The following ACSL1 variants were observed in gnomAD, a reference collection of about 807,000 sequenced individuals.
The protein encoded by ACSL1 is acyl-CoA synthetase long chain family member 1, also known as long-chain-fatty-acid--CoA ligase 1.
Under a neutral mutation model 98.4 loss-of-function variants are expected in ACSL1, and 41 were observed. The observed-to-expected ratio is 0.42, with a 90% confidence interval of 0.32 to 0.54. ACSL1 has a LOEUF of 0.54. Ranked by LOEUF, ACSL1 falls within the 20% of genes least tolerant of loss-of-function variation. The pLI is 0.13. For synonymous variants in ACSL1, 316 were observed against 322.7 expected (o/e 0.98, Z 0.22); for missense variants, 734 against 883.1 (o/e 0.83, Z 2.14).
At chr4:184,794,917 C>T (rs1178958602) in intron 2 of ACSL1, among the ~76,000 whole-genome samples, 1 of 134,298 alleles carries the variant, frequency 7.4e-6, no homozygotes, top group Non-Finnish European at 1.5e-5. Flanking sequence ...CGGCTCCCCA[C>T]TATCCCAGAG....
chr4:184,801,513 GT>G lies in ACSL1; in HGVS notation c.195+1806del, dbSNP rs557514683. Among the ~76,000 whole-genome samples the G allele has an allele frequency of 2.6e-5, 4 of 152,302 alleles. No individual in the cohort carries two copies. The South Asian group carries it at 6.2e-4, about 24-fold the overall frequency. On this transcript the variant is annotated intron_variant, in intron 2 of 20. Transcript: ENST00000281455. ...ACCGGTACCTTATGAAGTGAATCAAGTTCCTCTTTCCCTGCCCTAGGTGTCC... is the reference window on the plus strand; with the variant it reads ...ACCGGTACCTTATGAAGTGAATCAAGTCCTCTTTCCCTGCCCTAGGTGTCC...
chr4:184,815,709 C>G (rs1010026383), intron 1 of ACSL1, among the ~76,000 whole-genome samples: 1 of 152,130 alleles, frequency 6.6e-6, no homozygotes, highest in Non-Finnish European at 1.5e-5. Flanking sequence ...GGTGAGAAGA[C>G]AGGACACAAA....
chr4:184,822,153 T>C, intron 1 of ACSL1, among the ~76,000 whole-genome samples: 1 of 152,224 alleles, frequency 6.6e-6, no homozygotes, highest in East Asian at 1.9e-4. Context: ...GATTTTATTT[T>C]ATTGTTTTTA....
intron 1 of ACSL1, among the ~76,000 whole-genome samples, chr4:184,821,782 A>T (rs1339804478): frequency 6.6e-6 from 1 of 152,268 alleles, no homozygotes; most frequent in Non-Finnish European, 1.5e-5. Context: ...AGAATATGTA[A>T]CAACGTGTAA....
At chr4:184,769,073 AT>A (rs1472975117) in intron 11 of ACSL1, among the ~76,000 whole-genome samples, 21 of 12,884 alleles carry the variant, frequency 1.6e-3, no homozygotes, top group Non-Finnish European at 4.6e-4. Context: ...TGTCTCAAAT[AT>A]ATATATATAT....
At chr4:184,782,104 A>T (rs1251419434) in intron 4 of ACSL1, among the ~76,000 whole-genome samples, 2 of 152,268 alleles carry the variant, frequency 1.3e-5, no homozygotes, top group East Asian at 1.9e-4. Flanking sequence ...TGACACAAAC[A>T]GGCTCATTAC....
At chr4:184,769,438 G>A (rs76253315) in intron 11 of ACSL1, among the ~76,000 whole-genome samples, 2,107 of 152,290 alleles carry the variant, frequency 0.014, 52 homozygotes, top group African/African-American at 0.048. Context: ...CAGAAACCAC[G>A]AGAAAGGTAC....
chr4:184,823,934 T>A (rs1347324073), intron 1 of ACSL1, among the ~76,000 whole-genome samples: 1 of 152,240 alleles, frequency 6.6e-6, no homozygotes, highest in Non-Finnish European at 1.5e-5. Flanking sequence ...TCTACCTGCA[T>A]GGTATAAATA....
At chr4:184,783,848 T>C in intron 4 of ACSL1, 79 bp downstream of exon 4, 1 of 1,360,692 alleles carries the variant, frequency 7.3e-7, no homozygotes, top group Non-Finnish European at 1.0e-6. Context: ...TGGAGAAACC[T>C]TCCGGCTCCA....
At chr4:184,815,627 G>A (rs1772560840) in intron 1 of ACSL1, among the ~76,000 whole-genome samples, 1 of 152,098 alleles carries the variant, frequency 6.6e-6, no homozygotes, top group Admixed American at 6.6e-5. Context: ...GTTGGGTAGA[G>A]TTACTCACAC....
At chr4:184,770,230 A>G (rs958157087) in intron 11 of ACSL1, 169 bp downstream of exon 11, 4 of 1,534,064 alleles carry the variant, frequency 2.6e-6, no homozygotes, top group Non-Finnish European at 3.5e-6. Context: ...CTCTATAGGG[A>G]TGACAGTCCG....
chr4:184,778,642 C>T (rs749235781), intron 5 of ACSL1, among the ~76,000 whole-genome samples: 3 of 152,180 alleles, frequency 2.0e-5, no homozygotes, highest in South Asian at 4.1e-4. Flanking sequence ...TCTTGCCTTA[C>T]GTGGTACCTC....
Position 184,780,335 on chromosome 4 carries a change from A to C in ACSL1, c.474T>G (p.Pro158=), listed in dbSNP as rs1561201783. 3.7e-6 allele frequency: 6 copies of C among 1,613,140 alleles called. No homozygotes were observed. The highest frequency in any genetic ancestry group is 1.7e-4 in the Middle Eastern group (1 of 6,056). The change falls in exon 5 of 21, where the codon CCT becomes CCG. Residue 158 remains proline, a synonymous_variant. Coordinates refer to ENST00000281455, the MANE Select transcript of ACSL1 (RefSeq NM_001995.5). ...QFIGIFAQNR[P]EWVIIEQGCF... ...GCAAGTACCTACTGGTTCATACCTC[A>C]GGTCTATTTTGAGCAAAGATGCCAA...
chr4:184,789,370 G>A (rs1195121677), intron 2 of ACSL1, among the ~76,000 whole-genome samples: 3 of 152,210 alleles, frequency 2.0e-5, no homozygotes, highest in Non-Finnish European at 2.9e-5. Flanking sequence ...GACTGATCCT[G>A]TTCAGCTCTG....
chr4:184,810,258 C>T (rs1390304848), intron 1 of ACSL1, among the ~76,000 whole-genome samples: 1 of 152,214 alleles, frequency 6.6e-6, no homozygotes, highest in Non-Finnish European at 1.5e-5. Flanking sequence ...TTGACCTGTA[C>T]AAGGACCCAT....
At chr4:184,758,601 A>C (rs1468873360) in intron 18 of ACSL1, 1 of 152,162 alleles carries the variant, frequency 6.6e-6, no homozygotes, top group Non-Finnish European at 1.5e-5. Flanking sequence ...TTAAAGAAAA[A>C]TCTCTAATAT....
At chr4:184,767,787 C>T (rs1763848881) in intron 12 of ACSL1, among the ~76,000 whole-genome samples, 1 of 152,314 alleles carries the variant, frequency 6.6e-6, no homozygotes, top group African/African-American at 2.4e-5. Context: ...CGCGCCTGGC[C>T]CTGGCTGTGC....
At chr4:184,782,035 G>A (rs1056469811) in intron 4 of ACSL1, among the ~76,000 whole-genome samples, 2 of 152,068 alleles carry the variant, frequency 1.3e-5, no homozygotes, top group African/African-American at 4.8e-5. Flanking sequence ...TCTGGGCCTT[G>A]GCACCATCCT....
intron 10 of ACSL1, 28 bp from the exon 11 acceptor site, chr4:184,770,504 A>C: frequency 6.3e-7 from 1 of 1,589,920 alleles, no homozygotes; most frequent in Non-Finnish European, 8.6e-7. Flanking sequence ...AGCAAGGCAG[A>C]AAAGCATTAA....
Sources: gnomAD v4.1 joint callset for allele counts (sites outside exome capture counted in the v4.1 genomes callset) on GRCh38, gnomAD v4.1.1 for gene constraint, MANE v1.5 for transcripts, NCBI Gene and HGNC (gene_info 2026-07-23, HGNC 2026-07-21) for gene names.